Variants in RB1 observed in about 807,000 individuals in gnomAD.
RB1 encodes RB transcriptional corepressor 1, also known as retinoblastoma-associated protein.
Under a neutral mutation model 135.4 loss-of-function variants are expected in RB1, and 18 were observed. The ratio of observed to expected loss-of-function variants is 0.13; its 90% CI spans 0.09 to 0.20. The LOEUF (loss-of-function observed/expected upper bound fraction) is 0.20. Ranked by LOEUF, RB1 falls within the 10% of genes least tolerant of loss-of-function variation. The probability of loss-of-function intolerance (pLI) is 1.00; values close to 1 mark genes in which losing one functional copy is unlikely to be tolerated. For missense variants in RB1, 868 were observed against 1,110.0 expected, an observed-to-expected ratio of 0.78 and a Z score of 3.10; for synonymous variants, 365 against 373.2, an observed-to-expected ratio of 0.98 and a Z score of 0.25.
chr13:48,363,987 C>T (rs1952668500), intron 8 of RB1, among the ~76,000 whole-genome samples: 1 of 152,116 alleles, frequency 6.6e-6, no homozygotes, highest in East Asian at 1.9e-4. Flanking sequence ...TTTGAAATTT[C>T]TCTGTTAACT....
chr13:48,392,205 G>T (rs1386001177), intron 17 of RB1, among the ~76,000 whole-genome samples: 1 of 151,974 alleles, frequency 6.6e-6, no homozygotes, highest in Non-Finnish European at 1.5e-5. Context: ...CTGCCTCCCA[G>T]GTTCAAGCGA....
At chr13:48,435,032 G>C (rs1415021271) in intron 17 of RB1, among the ~76,000 whole-genome samples, 2 of 152,174 alleles carry the variant, frequency 1.3e-5, no homozygotes, top group Non-Finnish European at 2.9e-5. Flanking sequence ...GAACATTTAT[G>C]TTTAGTATCA....
At chr13:48,440,192 C>T (rs964384348) in intron 17 of RB1, among the ~76,000 whole-genome samples, 3 of 152,044 alleles carry the variant, frequency 2.0e-5, no homozygotes, top group South Asian at 2.1e-4. Flanking sequence ...TATATGCTGC[C>T]TCCCAAATAA....
At chr13:48,454,460 A>G (rs922718359) in intron 18 of RB1, among the ~76,000 whole-genome samples, 3 of 152,204 alleles carry the variant, frequency 2.0e-5, no homozygotes, top group Admixed American at 6.5e-5. Flanking sequence ...TTGTTTTTTT[A>G]AAATTCAAGA....
intron 3 of RB1, among the ~76,000 whole-genome samples, chr13:48,344,604 G>A (rs1281975169): frequency 1.3e-5 from 2 of 152,152 alleles, no homozygotes; most frequent in African/African-American, 2.4e-5. Context: ...CCACACGGGG[G>A]AGGGGGTGGC....
Position 48,453,028 on chromosome 13 carries a change from G to A in RB1, c.1731G>A (p.Lys577=), listed in dbSNP as rs1949337837. 1 of 1,612,926 alleles carries A rather than the reference G, an allele frequency of 6.2e-7. No homozygotes were observed. The highest frequency in any genetic ancestry group is 8.5e-7 in the Non-Finnish European group (1 of 1,179,584). The part of the protein sequence containing the change: ...SPLFDLIKQS[K]DREGPTDHLE... The stretch of plus-strand genomic sequence containing the variant: ...TATTTGATCTTATTAAACAATCAAA[G>A]GACCGAGAAGGACCAACTGATCACC... The change falls in exon 18 of 27, where the codon AAG becomes AAA. Residue 577 remains lysine (K), a synonymous_variant. Transcript: ENST00000267163.
At chr13:48,343,102 A>G (rs2138084702) in intron 3 of RB1, among the ~76,000 whole-genome samples, 1 of 152,274 alleles carries the variant, frequency 6.6e-6, no homozygotes, top group East Asian at 1.9e-4. Context: ...TTAAAGCCTA[A>G]GATTGTTTTA....
Position 48,465,122 on chromosome 13 carries a change from A to C in RB1, c.2325+11A>C. The C allele has an allele frequency of 6.2e-7, 1 of 1,613,560 alleles. No individual in the cohort carries two copies. Among genetic ancestry groups the C allele is most frequent in the Non-Finnish European group, 8.5e-7 (1 of 1,179,538 alleles). On this transcript the variant is annotated intron_variant, in intron 22 of 26. Coordinates refer to ENST00000267163, the MANE Select transcript of RB1 (RefSeq NM_000321.3). Reference sequence around the variant, plus strand: ...TATGCTTCCACCAGGGTAGGTCAAAAGTATCCTTTGATTGGAAAAATCTAA... The same window carrying C: ...TATGCTTCCACCAGGGTAGGTCAAACGTATCCTTTGATTGGAAAAATCTAA...
At chr13:48,390,894 T>C (rs921132719) in intron 17 of RB1, among the ~76,000 whole-genome samples, 1 of 152,226 alleles carries the variant, frequency 6.6e-6, no homozygotes, top group African/African-American at 2.4e-5. Flanking sequence ...TTGTTGGGTG[T>C]TGCTTTCTTA....
chr13:48,307,557 C>A, intron 2 of RB1, 151 bp downstream of exon 2: 1 of 879,228 alleles, frequency 1.1e-6, no homozygotes, highest in Non-Finnish European at 1.7e-6. Context: ...CCTCTGCTAA[C>A]ATTAAAAATG....
At chr13:48,464,183 T>C (rs1949422487) in intron 21 of RB1, among the ~76,000 whole-genome samples, 1 of 152,204 alleles carries the variant, frequency 6.6e-6, no homozygotes, top group African/African-American at 2.4e-5. Context: ...CCAGTATAAA[T>C]GCAGCCTTGC....
intron 17 of RB1, among the ~76,000 whole-genome samples, chr13:48,405,550 G>T (rs75007355): frequency 1.3e-5 from 2 of 152,064 alleles, no homozygotes; most frequent in African/African-American, 4.8e-5. Flanking sequence ...TAACACAGCC[G>T]CTTTATTCAT....
intron 9 of RB1, among the ~76,000 whole-genome samples, chr13:48,366,108 G>C (rs1299757938): frequency 6.6e-6 from 1 of 152,068 alleles, no homozygotes; most frequent in East Asian, 1.9e-4. Context: ...TGGGATACAG[G>C]GCAGAACAAT....
At chr13:48,411,789 G>C (rs61741709) in intron 17 of RB1, 243 of 1,612,130 alleles carry the variant, frequency 1.5e-4, no homozygotes, top group Admixed American at 1.5e-4. Flanking sequence ...AACAGGTTTG[G>C]TTAAAGTTTT....
chr13:48,336,679 A>G (rs899654698), intron 2 of RB1, among the ~76,000 whole-genome samples: 1 of 150,170 alleles, frequency 6.7e-6, no homozygotes, highest in Admixed American at 6.6e-5. Flanking sequence ...TTGTGTCTCT[A>G]TTTCCTTCAG....
In RB1 at chr13:48,480,101, A is replaced by G; in HGVS notation, c.*30A>G. On this transcript the variant is annotated 3_prime_UTR_variant, in exon 27 of 27. Coordinates refer to ENST00000267163, the MANE Select transcript of RB1 (RefSeq NM_000321.3). ...CTCAGGACCTTGGTGGACACTGTGT[A>G]CACCTCTGGATTCATTGTCTCTCAC... is the stretch of plus-strand genomic sequence containing the variant. 6.5e-7 allele frequency: 1 copy of G among 1,531,754 alleles called. No homozygotes were observed. 94.9% of individuals were successfully genotyped at this position (1,531,754 alleles called of 1,614,324 possible).
intron 18 of RB1, 21 bp downstream of exon 18, chr13:48,453,132 G>A (rs925523753): frequency 1.2e-6 from 2 of 1,600,790 alleles, no homozygotes; most frequent in Non-Finnish European, 8.5e-7. Context: ...TATATGTTAT[G>A]TTGACCATTC....
intron 17 of RB1, among the ~76,000 whole-genome samples, chr13:48,418,660 C>T (rs1257720776): frequency 1.3e-5 from 2 of 150,052 alleles, no homozygotes; most frequent in East Asian, 1.9e-4. Context: ...TGCAAAGACA[C>T]GTGCTCTAAA....
intron 17 of RB1, among the ~76,000 whole-genome samples, chr13:48,403,640 A>G (rs1948713571): frequency 6.6e-6 from 1 of 152,170 alleles, no homozygotes; most frequent in African/African-American, 2.4e-5. Context: ...AAACTTGAGC[A>G]TGCATCAAAA....
Sources: gnomAD v4.1 joint callset for allele counts (sites outside exome capture counted in the v4.1 genomes callset) on GRCh38, gnomAD v4.1.1 for gene constraint, MANE v1.5 for transcripts, NCBI Gene and HGNC (gene_info 2026-07-23, HGNC 2026-07-21) for gene names.